The following ANXA2R variants were observed in gnomAD, a reference collection of about 807,000 sequenced individuals.
ANXA2R encodes the protein annexin-2 receptor.
For missense variants in ANXA2R, 244 were observed against 241.5 expected, an observed-to-expected ratio of 1.01 and a Z score of -0.07; for synonymous variants, 93 against 93.6, an observed-to-expected ratio of 0.99 and a Z score of 0.04.
Position 43,040,290 on chromosome 5 carries a change from A to G in ANXA2R, c.-244T>C. The G allele has an allele frequency of 2.1e-6, 1 of 470,352 alleles. No homozygotes were observed. The highest frequency in any genetic ancestry group is 3.9e-6 in the Non-Finnish European group (1 of 256,906). 29.1% of individuals were successfully genotyped at this position (470,352 alleles called of 1,614,324 possible). On this transcript the variant is annotated 5_prime_UTR_variant, in exon 1 of 1. Coordinates refer to ENST00000616064, the MANE Select transcript of ANXA2R (RefSeq NM_001014279.3). ...AAACATGGCGAGAAAAGAAACCGAA[A>G]TGAAATGACACTAAGCAAATCTTGA...
rs200615420 is a variant in ANXA2R, at chr5:43,039,701, G to A, written c.346C>T (p.Leu116Phe). Residue 116 changes from leucine to phenylalanine, a missense_variant, in exon 1 of 1, where the codon CTC becomes TTC. Transcript: ENST00000616064. The stretch of plus-strand genomic sequence containing the variant: ...CTCCAGGGAAGCTGCTGGAGCCTGA[G>A]TCTGTCGGGTTCCTCTGCCTGCCCC... ...EVGQAEEPDR[L>F]RLQQLPWSSP... is the part of the protein sequence containing the mutation. 2 of 1,614,002 alleles carry A rather than the reference G, an allele frequency of 1.2e-6. No homozygotes were observed. Among genetic ancestry groups the A allele is most frequent in the East Asian group, 2.2e-5 (1 of 44,886 alleles).
At position 43,039,521 on chromosome 5, in the gene ANXA2R, C is replaced by A; in HGVS notation, c.526G>T (p.Ala176Ser). 3.1e-6 allele frequency: 5 copies of A among 1,608,738 alleles called. No homozygotes were observed. Among genetic ancestry groups the A allele is most frequent in the Admixed American group, 3.4e-5 (2 of 59,618 alleles). ...CAGCACGCCCAGAGTACAGAGAACG[C>A]GGCAAAACCAACGCGAAGAATCCAC... ...LEWILRVGFA[A>S]FSVLWACCSR... is the part of the protein sequence containing the mutation. Residue 176 changes from alanine to serine, a missense_variant, in exon 1 of 1, where the codon GCG becomes TCG. By Grantham distance (99) the Ala-to-Ser change is moderately conservative. Coordinates refer to ENST00000616064, the MANE Select transcript of ANXA2R (RefSeq NM_001014279.3).
chr5:43,039,518 A>ACG lies in ANXA2R; in HGVS notation c.527_528dup (p.Phe177ArgfsTer20), dbSNP rs1309485893. ...GAACAGCACGCCCAGAGTACAGAGA[A>ACG]CGCGGCAAAACCAACGCGAAGAATC... On this transcript the variant is annotated frameshift_variant, in exon 2 of 2. Transcript: ENST00000314890. LOFTEE classifies it low-confidence loss of function (END_TRUNC). The ACG allele has an allele frequency of 2.5e-6, 4 of 1,608,188 alleles. No individual in the cohort carries two copies. The highest frequency in any genetic ancestry group is 3.4e-6 in the Non-Finnish European group (4 of 1,176,704).
At position 43,039,942 on chromosome 5, in the gene ANXA2R, C is replaced by T. The variant is rs1233578993; in HGVS notation, c.105G>A (p.Pro35=). 6.2e-7 allele frequency: 1 copy of T among 1,614,210 alleles called. No homozygotes were observed. Among genetic ancestry groups the T allele is most frequent in the Non-Finnish European group, 8.5e-7 (1 of 1,180,040 alleles). ...GTACTGGATACAAAGGAAGAGGCCA[C>T]GGCCCACGATCTTCTGAACTCACAA... ...PPIVSSEDRG[P]WPLPLYPVLG... The change falls in exon 1 of 1, where the codon CCG becomes CCA. Residue 35 remains proline (P), a synonymous_variant. Coordinates refer to ENST00000616064, the MANE Select transcript of ANXA2R (RefSeq NM_001014279.3).
In ANXA2R at chr5:43,040,014, C is replaced by A; in HGVS notation, c.33G>T (p.Arg11=). MEQHFLGCVK[R]AWDSAEVAPE... ...GCGCCACCTCTGCGGAATCCCAAGC[C>A]CGCTTCACACAGCCAAGAAAATGTT... Residue 11 remains arginine (R), a synonymous_variant, in exon 1 of 1, where the codon CGG becomes CGT. Transcript: ENST00000616064. 6.2e-7 allele frequency: 1 copy of A among 1,611,492 alleles called. No homozygotes were observed.
chr5:43,040,030 A>G lies in ANXA2R; in HGVS notation c.17T>C (p.Leu6Pro). 1 of 1,608,484 alleles carries G rather than the reference A, an allele frequency of 6.2e-7. No homozygotes were observed. Among genetic ancestry groups the G allele is most frequent in the Non-Finnish European group, 8.5e-7 (1 of 1,177,636 alleles). The change falls in exon 1 of 1, where the codon CTT (leucine) becomes CCT (proline). Residue 6 changes from leucine to proline, a missense_variant. Leu to Pro is a moderately conservative substitution (Grantham distance 98, BLOSUM62 -3). Transcript: ENST00000616064. ...ATCCCAAGCCCGCTTCACACAGCCAAGAAAATGTTGCTCCATCCCTCAAGC... is the reference window on the plus strand; with the variant it reads ...ATCCCAAGCCCGCTTCACACAGCCAGGAAAATGTTGCTCCATCCCTCAAGC... MEQHF[L>P]GCVKRAWDSA...
chr5:43,040,265 A>G lies in ANXA2R; in HGVS notation c.-219T>C. 1 of 474,260 alleles carries G rather than the reference A, an allele frequency of 2.1e-6. No homozygotes were observed. The highest frequency in any genetic ancestry group is 3.8e-6 in the Non-Finnish European group (1 of 260,536). 29.4% of individuals were successfully genotyped at this position (474,260 alleles called of 1,614,324 possible). On this transcript the variant is annotated 5_prime_UTR_variant, in exon 1 of 1. Coordinates refer to ENST00000616064, the MANE Select transcript of ANXA2R (RefSeq NM_001014279.3). Reference sequence around the variant, plus strand: ...AAAACGAACCGTAATTCCGACAGAAAAACATGGCGAGAAAAGAAACCGAAA... The same window carrying G: ...AAAACGAACCGTAATTCCGACAGAAGAACATGGCGAGAAAAGAAACCGAAA...
chr5:43,040,262 G>GA lies in ANXA2R; in HGVS notation c.-217dup. On this transcript the variant is annotated 5_prime_UTR_variant, in exon 1 of 1. It introduces an in-frame stop codon into an upstream open reading frame of the 5' UTR. Coordinates refer to ENST00000616064, the MANE Select transcript of ANXA2R (RefSeq NM_001014279.3). ...ACCAAAACGAACCGTAATTCCGACA[G>GA]AAAAACATGGCGAGAAAAGAAACCG... The GA allele has an allele frequency of 2.1e-6, 1 of 474,518 alleles. No individual in the cohort carries two copies. The highest frequency in any genetic ancestry group is 3.8e-6 in the Non-Finnish European group (1 of 260,824). 29.4% of individuals were successfully genotyped at this position (474,518 alleles called of 1,614,324 possible).
chr5:43,041,400 G>A (rs1324173407), upstream of ANXA2R: 1 of 152,022 alleles, frequency 6.6e-6, no homozygotes, highest in African/African-American at 2.4e-5. Flanking sequence ...GTTTAGCTAC[G>A]TCTAAAAAAT....
Position 43,039,623 on chromosome 5 carries a change from C to G in ANXA2R, c.424G>C (p.Gly142Arg). 1 of 1,613,662 alleles carries G rather than the reference C, an allele frequency of 6.2e-7. No homozygotes were observed. The highest frequency in any genetic ancestry group is 1.1e-5 in the South Asian group (1 of 91,032). Reference protein sequence around the residue: ...RQQDTEVCDSGCLLERRHPPA... With the variant: ...RQQDTEVCDSRCLLERRHPPA... Reference sequence around the variant, plus strand: ...GGATGGCGGCGTTCCAAAAGGCACCCGCTGTCACAGACCTCGGTGTCCTGC... The same window carrying G: ...GGATGGCGGCGTTCCAAAAGGCACCGGCTGTCACAGACCTCGGTGTCCTGC... Residue 142 changes from glycine (G) to arginine (R), a missense_variant, in exon 1 of 1, where the codon GGG becomes CGG. Coordinates refer to ENST00000616064, the MANE Select transcript of ANXA2R (RefSeq NM_001014279.3).
upstream of ANXA2R, chr5:43,042,882 C>A (rs1343297332): frequency 3.9e-5 from 6 of 152,426 alleles, no homozygotes; most frequent in African/African-American, 1.4e-4. This position sits in a 1 kb window ranked among gnomAD's most constrained non-coding sequence, Gnocchi z 5.6. Context: ...GATCCAGAAA[C>A]CGCCAGCTGG....
Position 43,039,641 on chromosome 5 carries a change from T to C in ANXA2R, c.406A>G (p.Thr136Ala), listed in dbSNP as rs990668521. Residue 136 changes from threonine to alanine, a missense_variant, in exon 1 of 1, where the codon ACC becomes GCC. By Grantham distance (58) the Thr-to-Ala change is moderately conservative. Transcript: ENST00000616064. ...PLHPWDRQQD[T>A]EVCDSGCLLE... is the part of the protein sequence containing the mutation. The stretch of plus-strand genomic sequence containing the variant: ...AGGCACCCGCTGTCACAGACCTCGG[T>C]GTCCTGCTGTCTGTCCCAGGGATGG... 1.2e-6 allele frequency: 2 copies of C among 1,613,596 alleles called. No homozygotes were observed. Among genetic ancestry groups the C allele is most frequent in the Non-Finnish European group, 1.7e-6 (2 of 1,179,698 alleles).
upstream of ANXA2R, chr5:43,042,732 C>T (rs1742223585): frequency 6.5e-6 from 1 of 152,778 alleles, no homozygotes; most frequent in African/African-American, 2.4e-5. This position sits in a 1 kb window ranked among gnomAD's most constrained non-coding sequence, Gnocchi z 5.6. Flanking sequence ...TGGAGAGAAC[C>T]CCGCAGCCAC....
In ANXA2R at chr5:43,040,107, C is replaced by T; in HGVS notation, c.-61G>A. 6.7e-7 allele frequency: 1 copy of T among 1,488,708 alleles called. No homozygotes were observed. Among genetic ancestry groups the T allele is most frequent in the Non-Finnish European group, 9.1e-7 (1 of 1,103,148 alleles). The allele number at this position is 1,488,708 out of a possible 1,614,324, so 92.2% of individuals were successfully genotyped here. ...GGAGGGAGAGTCTCTGCACTACCATCAGCCTGAGTATTTATGCTCTGCAGA... is the reference window on the plus strand; with the variant it reads ...GGAGGGAGAGTCTCTGCACTACCATTAGCCTGAGTATTTATGCTCTGCAGA... On this transcript the variant is annotated 5_prime_UTR_variant, in exon 1 of 1. An upstream open reading frame in the 5' UTR loses its in-frame stop. Coordinates refer to ENST00000616064, the MANE Select transcript of ANXA2R (RefSeq NM_001014279.3).
chr5:43,041,418 GCTGGTA>G (rs1457445501), upstream of ANXA2R: 6 of 152,136 alleles, frequency 3.9e-5, no homozygotes, highest in African/African-American at 1.4e-4. Flanking sequence ...AATCGTAGTA[GCTGGTA>G]CATCCCGATT....
At chr5:43,040,447 G>C (rs1450410597), upstream of ANXA2R, 1 of 173,194 alleles carries the variant, frequency 5.8e-6, no homozygotes, top group Non-Finnish European at 1.3e-5. Context: ...CCTTGCAAAC[G>C]AGAAACTGGC....
upstream of ANXA2R, chr5:43,042,332 G>A (rs1363702697): frequency 6.5e-6 from 1 of 152,716 alleles, no homozygotes; most frequent in African/African-American, 2.4e-5. The surrounding 1 kb of genome is among the most constrained non-coding windows in gnomAD (Gnocchi z 5.6). Context: ...CTGTGAACAA[G>A]AGACCACGGC....
At chr5:43,042,855 G>T (rs553786905), upstream of ANXA2R, 2 of 152,656 alleles carry the variant, frequency 1.3e-5, no homozygotes, top group Admixed American at 1.3e-4. The surrounding 1 kb of genome is among the most constrained non-coding windows in gnomAD (Gnocchi z 5.6). Context: ...CCAGCTCCGC[G>T]CAATCAGTGG....
chr5:43,042,447 C>T (rs1202102544), upstream of ANXA2R: 4 of 152,954 alleles, frequency 2.6e-5, no homozygotes, highest in Non-Finnish European at 4.4e-5. This position sits in a 1 kb window ranked among gnomAD's most constrained non-coding sequence, Gnocchi z 5.6. Context: ...ACCAAGAAAC[C>T]GTCGACTCTG....
Sources: gnomAD v4.1 joint callset for allele counts on GRCh38, gnomAD v4.1.1 for gene constraint, Gnocchi (gnomAD v3.1) non-coding constraint, MANE v1.5 for transcripts, NCBI Gene and HGNC (gene_info 2026-07-23, HGNC 2026-07-21) for gene names.